LUC7L: variants seen among roughly 807,000 people sequenced by gnomAD.
LUC7L encodes the protein putative RNA-binding protein Luc7-like 1.
Under a neutral mutation model 51.1 loss-of-function variants are expected in LUC7L, and 29 were observed. The ratio of observed to expected loss-of-function variants is 0.57; its 90% CI spans 0.42 to 0.77. The LOEUF (loss-of-function observed/expected upper bound fraction) is 0.77. Ranked by LOEUF, LUC7L falls within the 30% of genes least tolerant of loss-of-function variation. LUC7L has a pLI of 0.00. For missense variants in LUC7L, 403 were observed against 511.9 expected, an observed-to-expected ratio of 0.79 and a Z score of 2.05; for synonymous variants, 181 against 180.7, an observed-to-expected ratio of 1.00 and a Z score of -0.01.
chr16:198,919 AT>A (rs2049239744), intron 6 of LUC7L, 142 bp downstream of exon 6: 1 of 662,970 alleles, frequency 1.5e-6, no homozygotes, highest in African/African-American at 1.8e-5. Context: ...ACCTCAGGTG[AT>A]TCGCCCACCT....
At chr16:224,591 A>G (rs2050072367) in intron 2 of LUC7L, among the ~76,000 whole-genome samples, 1 of 151,914 alleles carries the variant, frequency 6.6e-6, no homozygotes, top group Admixed American at 6.6e-5. Flanking sequence ...GCACTTTGGG[A>G]GGCAGAGGTG....
At chr16:222,777 T>C (rs2050009848) in intron 2 of LUC7L, among the ~76,000 whole-genome samples, 1 of 151,130 alleles carries the variant, frequency 6.6e-6, no homozygotes, top group Non-Finnish European at 1.5e-5. Flanking sequence ...ATTACAGACA[T>C]GTGCCACCAC....
At chr16:189,661 A>T (rs971038454) in intron 9 of LUC7L, 4 of 1,324,876 alleles carry the variant, frequency 3.0e-6, no homozygotes, top group Non-Finnish European at 2.9e-6. Flanking sequence ...ACAAAAACCA[A>T]AACAGAGGTA....
chr16:198,955 T>A, intron 6 of LUC7L, 107 bp downstream of exon 6: 1 of 1,116,116 alleles, frequency 9.0e-7, no homozygotes, highest in Admixed American at 2.4e-5. Context: ...GCTGGGATTA[T>A]AGGCATCAGC....
chr16:212,479 G>A (rs1329994760), intron 3 of LUC7L, among the ~76,000 whole-genome samples: 1 of 151,968 alleles, frequency 6.6e-6, no homozygotes, highest in Non-Finnish European at 1.5e-5. Flanking sequence ...GTTTATAGAT[G>A]AAAAAAAGAA....
rs981017066 is a variant in LUC7L, at chr16:223,441, G to A, written c.157-2694C>T. Among the ~76,000 whole-genome samples, 4 of 152,142 alleles carry A rather than the reference G, an allele frequency of 2.6e-5. 1 individual carries two copies. The highest frequency in any genetic ancestry group is 5.9e-5 in the Non-Finnish European group (4 of 68,032). On this transcript the variant is annotated intron_variant, in intron 2 of 9. Transcript: ENST00000293872. ...ATCCTTCAGTATCACCAATAATAAA[G>A]CTAACATGGAGGCGGCAGACAACGG...
intron 4 of LUC7L, among the ~76,000 whole-genome samples, chr16:207,738 G>A (rs887012669): frequency 5.3e-5 from 8 of 152,092 alleles, no homozygotes; most frequent in Non-Finnish European, 1.0e-4. Flanking sequence ...CGCCGGGCGC[G>A]GTGGCTCACG....
At position 199,243 on chromosome 16, in the gene LUC7L, A is replaced by G; in HGVS notation, c.511-5T>C. ...CATGGAATTTCTGTATTCTTCCTGA[A>G]GAAGGAAAATGGAGAAATAAAAGTG... is the stretch of plus-strand genomic sequence containing the variant. On this transcript the variant is annotated splice_polypyrimidine_tract_variant and splice_region_variant and intron_variant, in intron 5 of 9. Coordinates refer to ENST00000293872, the MANE Select transcript of LUC7L (RefSeq NM_201412.3). 2 of 1,583,074 alleles carry G rather than the reference A, an allele frequency of 1.3e-6. No homozygotes were observed. Among genetic ancestry groups the G allele is most frequent in the African/African-American group, 1.3e-5 (1 of 74,424 alleles).
chr16:190,706 C>T (rs754890396), intron 7 of LUC7L, 136 bp from the exon 8 acceptor site: 10 of 748,412 alleles, frequency 1.3e-5, no homozygotes, highest in Non-Finnish European at 2.3e-5. Flanking sequence ...GTGGTGAAAC[C>T]CCGTCTCTAC....
At chr16:218,138 A>G (rs1385741101) in intron 3 of LUC7L, among the ~76,000 whole-genome samples, 5 of 151,560 alleles carry the variant, frequency 3.3e-5, no homozygotes, top group Non-Finnish European at 7.4e-5. Flanking sequence ...GGTTACAGTG[A>G]GCTAAGATCA....
At chr16:222,948 T>A (rs2050016013) in intron 2 of LUC7L, among the ~76,000 whole-genome samples, 1 of 139,636 alleles carries the variant, frequency 7.2e-6, no homozygotes, top group African/African-American at 2.7e-5. Flanking sequence ...AGACCCCGTC[T>A]TTTAAAAAAA....
intron 7 of LUC7L, among the ~76,000 whole-genome samples, chr16:192,503 T>C (rs944294375): frequency 2.7e-5 from 1 of 36,564 alleles, no homozygotes; most frequent in Non-Finnish European, 8.9e-5. Context: ...TGCTGTTTAC[T>C]TTTTTTTTTT....
rs2048942717 is a variant in LUC7L, at chr16:189,201, G to A, written c.1113C>T (p.Ile371=). 1 of 1,612,982 alleles carries A rather than the reference G, an allele frequency of 6.2e-7. No homozygotes were observed. Among genetic ancestry groups the A allele is most frequent in the African/African-American group, 1.3e-5 (1 of 74,924 alleles). Reference sequence around the variant, plus strand: ...TTACAGCACCCGGGAGACGGGTTCAGATCTCGCCGGCCTCCTTCTCTTCTG... The same window carrying A: ...TTACAGCACCCGGGAGACGGGTTCAAATCTCGCCGGCCTCCTTCTCTTCTG... ...RRSEEKEAGE[I] The change falls in exon 10 of 10, where the codon ATC becomes ATT. Residue 371 remains isoleucine (I), a synonymous_variant. Coordinates refer to ENST00000293872, the MANE Select transcript of LUC7L (RefSeq NM_201412.3).
chr16:199,256 A>T lies in LUC7L; in HGVS notation c.511-18T>A. On this transcript the variant is annotated intron_variant, in intron 5 of 9. Transcript: ENST00000293872. ...TATTCTTCCTGAAGAAGGAAAATGG[A>T]GAAATAAAAGTGAGGTATATAGAAC... is the stretch of plus-strand genomic sequence containing the variant. 1 of 1,566,690 alleles carries T rather than the reference A, an allele frequency of 6.4e-7. No homozygotes were observed. Among genetic ancestry groups the T allele is most frequent in the South Asian group, 1.1e-5 (1 of 87,656 alleles).
chr16:193,581 C>G (rs2049070334), intron 6 of LUC7L, among the ~76,000 whole-genome samples: 1 of 152,084 alleles, frequency 6.6e-6, no homozygotes, highest in Non-Finnish European at 1.5e-5. Flanking sequence ...ACTGAAGCCT[C>G]TGCCTCCTGG....
At chr16:219,590 G>C (rs1272731194) in intron 3 of LUC7L, among the ~76,000 whole-genome samples, 1 of 150,834 alleles carries the variant, frequency 6.6e-6, no homozygotes, top group African/African-American at 2.4e-5. Flanking sequence ...AAAAGAAAAA[G>C]AAGCTAGGCA....
In LUC7L at chr16:193,852, G is replaced by A. The variant is rs1007743469; in HGVS notation, c.688-837C>T. Among the ~76,000 whole-genome samples, 6 of 146,682 alleles carry A rather than the reference G, an allele frequency of 4.1e-5. No homozygotes were observed. In the South Asian group the frequency reaches 6.5e-4, roughly 16 times the overall value. On this transcript the variant is annotated intron_variant, in intron 6 of 9. Transcript: ENST00000293872. ...GGAGTCTCGCTCTGTCACCCAGGCT[G>A]GAGTGCAGTGGCGCAATCTCGGCTC...
rs761775456 is a variant in LUC7L, at chr16:206,093, C to T, written c.421G>A (p.Glu141Lys). Residue 141 changes from glutamate to lysine, a missense_variant, in exon 5 of 10, where the codon GAA (glutamate) becomes AAA (lysine). By Grantham distance (56) the Glu-to-Lys change is moderately conservative. Coordinates refer to ENST00000293872, the MANE Select transcript of LUC7L (RefSeq NM_201412.3). ...ACATTACCTTCAGCCCCTAGCTGTT[C>T]GGCTTTAGCAAGGAGTTTTCCTATT... The part of the protein sequence containing the change: ...EEIGKLLAKA[E>K]QLGAEGNVDE... 2 of 1,613,792 alleles carry T rather than the reference C, an allele frequency of 1.2e-6. No individual in the cohort carries two copies. The highest frequency in any genetic ancestry group is 1.1e-5 in the South Asian group (1 of 90,952).
chr16:201,731 A>C (rs1419010427), intron 5 of LUC7L, among the ~76,000 whole-genome samples: 8 of 123,572 alleles, frequency 6.5e-5, no homozygotes, highest in South Asian at 2.7e-4. Context: ...GAGCCACCGC[A>C]CCAGGCTTTT....
Sources: gnomAD v4.1 joint callset for allele counts (sites outside exome capture counted in the v4.1 genomes callset) on GRCh38, gnomAD v4.1.1 for gene constraint, MANE v1.5 for transcripts, NCBI Gene and HGNC (gene_info 2026-07-23, HGNC 2026-07-21) for gene names.